LINGO2: variants seen among roughly 807,000 people sequenced by gnomAD.
The protein encoded by LINGO2 is leucine-rich repeat and immunoglobulin-like domain-containing nogo receptor-interacting protein 2.
A neutral mutation model predicts 30.6 loss-of-function variants in LINGO2; 14 were observed. The observed-to-expected ratio is 0.46, with a 90% CI of 0.30 to 0.72. LINGO2 has a LOEUF of 0.72. Ranked by LOEUF, LINGO2 falls within the 30% of genes least tolerant of loss-of-function variation. LINGO2 has a pLI of 0.07. For synonymous variants in LINGO2, 317 were observed against 288.5 expected (o/e 1.10, Z -1.00); for missense variants, 729 against 751.7 (o/e 0.97, Z 0.35).
At chr9:27,992,576 CAG>C (rs1357567481) in intron 5 of LINGO2, among the ~76,000 whole-genome samples, 1 of 151,906 alleles carries the variant, frequency 6.6e-6, no homozygotes. Context: ...TGCGGGAGAA[CAG>C]AGGAGGGAGT....
the LINGO2 span, among the ~76,000 whole-genome samples, chr9:29,132,240 G>A: frequency 2.1e-4 from 32 of 152,198 alleles, no homozygotes; most frequent in African/African-American, 7.7e-4. Context: ...GGAGAATAAG[G>A]TCTGGAGGCA....
At position 28,444,249 on chromosome 9, in the gene LINGO2, C is replaced by T. The variant is rs555632535; in HGVS notation, c.-279+31691G>A. ...GCTCGCTGAGCTGCAGGTGGTGAAACGCTCTTAGACTGTGGGAGTGAAGAG... is the reference window on the plus strand; with the variant it reads ...GCTCGCTGAGCTGCAGGTGGTGAAATGCTCTTAGACTGTGGGAGTGAAGAG... On this transcript the variant is annotated intron_variant, in intron 2 of 5. Transcript: ENST00000379992. Among the ~76,000 whole-genome samples, 20 of 152,300 alleles carry T rather than the reference C, an allele frequency of 1.3e-4. No individual in the cohort carries two copies. In the East Asian group the frequency reaches 1.7e-3, roughly 13 times the overall value.
intron 3 of LINGO2, among the ~76,000 whole-genome samples, chr9:28,353,732 A>G (rs1212732609): frequency 6.6e-6 from 1 of 152,196 alleles, no homozygotes; most frequent in Non-Finnish European, 1.5e-5. Flanking sequence ...TATTCACAAT[A>G]GCAAAGACTT....
upstream of LINGO2, among the ~76,000 whole-genome samples, chr9:28,675,053 G>C (rs1428492015): frequency 6.6e-6 from 1 of 152,136 alleles, no homozygotes; most frequent in African/African-American, 2.4e-5. Context: ...ACAGAAGGAA[G>C]AAGAGAAATA....
At chr9:28,762,581 T>C in the LINGO2 span, among the ~76,000 whole-genome samples, 2 of 152,020 alleles carry the variant, frequency 1.3e-5, no homozygotes, top group African/African-American at 4.8e-5. Flanking sequence ...GCACGGCAAC[T>C]TGATTGAGGA....
At chr9:28,316,435 C>A (rs534175611) in intron 3 of LINGO2, among the ~76,000 whole-genome samples, 2 of 152,112 alleles carry the variant, frequency 1.3e-5, no homozygotes, top group South Asian at 4.1e-4. Context: ...AAGACACTGA[C>A]CTTGGCTTTT....
chr9:28,487,501 C>T (rs903610905), intron 1 of LINGO2, among the ~76,000 whole-genome samples: 2 of 152,076 alleles, frequency 1.3e-5, no homozygotes, highest in Non-Finnish European at 2.9e-5. Context: ...CCTTTGAAAG[C>T]CACATTTATG....
the LINGO2 span, among the ~76,000 whole-genome samples, chr9:29,030,411 A>G: frequency 1.3e-5 from 2 of 152,106 alleles, no homozygotes; most frequent in African/African-American, 4.8e-5. Context: ...AGTTAATTCA[A>G]ATTTCACCTG....
intron 1 of LINGO2, among the ~76,000 whole-genome samples, chr9:28,592,235 T>A (rs1824948239): frequency 6.6e-6 from 1 of 152,118 alleles, no homozygotes; most frequent in African/African-American, 2.4e-5. Flanking sequence ...AAAGGTACTA[T>A]GTATTTAATG....
At chr9:28,458,707 A>C (rs549480601) in intron 2 of LINGO2, among the ~76,000 whole-genome samples, 1 of 152,152 alleles carries the variant, frequency 6.6e-6, no homozygotes, top group South Asian at 2.1e-4. Context: ...TGACAGGCTC[A>C]CCTAACTTTT....
chr9:29,018,460 T>C, the LINGO2 span, among the ~76,000 whole-genome samples: 1 of 151,978 alleles, frequency 6.6e-6, no homozygotes, highest in Non-Finnish European at 1.5e-5. Flanking sequence ...CTTAATACAA[T>C]TTGAAATTAT....
intron 1 of LINGO2, among the ~76,000 whole-genome samples, chr9:28,490,067 G>C (rs991140294): frequency 6.6e-6 from 1 of 151,978 alleles, no homozygotes; most frequent in Non-Finnish European, 1.5e-5. Context: ...CTCAGTCTTG[G>C]CATAAAATCA....
the LINGO2 span, among the ~76,000 whole-genome samples, chr9:28,919,463 A>C: frequency 1.3e-5 from 2 of 152,182 alleles, no homozygotes; most frequent in African/African-American, 4.8e-5. Context: ...GCTATGAATT[A>C]TTATGAATAA....
intron 1 of LINGO2, among the ~76,000 whole-genome samples, chr9:28,579,478 T>TA (rs1244558908): frequency 6.6e-6 from 1 of 151,986 alleles, no homozygotes; most frequent in Non-Finnish European, 1.5e-5. Context: ...CTGAAAATAA[T>TA]AAAAAACATA....
chr9:28,039,729 T>C (rs1311747819), intron 4 of LINGO2, among the ~76,000 whole-genome samples: 1 of 152,152 alleles, frequency 6.6e-6, no homozygotes, highest in Non-Finnish European at 1.5e-5. Context: ...CCTGATGTCA[T>C]TTCATCAGGC....
At chr9:29,085,281 T>TAAA in the LINGO2 span, among the ~76,000 whole-genome samples, 1,122 of 76,628 alleles carry the variant, frequency 0.015, 69 homozygotes, top group East Asian at 0.028. Flanking sequence ...CTATGGTAAG[T>TAAA]AAAAAAAAAA....
intron 3 of LINGO2, among the ~76,000 whole-genome samples, chr9:28,311,954 G>A (rs889131582): frequency 6.6e-6 from 1 of 152,214 alleles, no homozygotes; most frequent in South Asian, 2.1e-4. Flanking sequence ...AATTATAAAA[G>A]TATTAATTTG....
chr9:28,797,513 G>C, the LINGO2 span, among the ~76,000 whole-genome samples: 263 of 151,424 alleles, frequency 1.7e-3, 1 homozygote, highest in African/African-American at 5.9e-3. Flanking sequence ...GTTGAACTGA[G>C]ACACTTTGCC....
chr9:29,081,399 G>A, the LINGO2 span, among the ~76,000 whole-genome samples: 4 of 151,914 alleles, frequency 2.6e-5, no homozygotes, highest in Admixed American at 1.3e-4. Flanking sequence ...TGCTATAAAC[G>A]CTCAATAAAT....
Sources: gnomAD v4.1 joint callset for allele counts (sites outside exome capture counted in the v4.1 genomes callset) on GRCh38, gnomAD v4.1.1 for gene constraint, MANE v1.5 for transcripts, NCBI Gene and HGNC (gene_info 2026-07-23, HGNC 2026-07-21) for gene names.